Variants in QRICH1 observed in about 807,000 individuals in gnomAD.
QRICH1 encodes transcriptional regulator QRICH1.
In QRICH1, 16 loss-of-function variants were observed where a neutral mutation model predicts 87.1. That is an observed-to-expected ratio of 0.18 (90% confidence interval 0.12 to 0.28). The LOEUF is 0.28. QRICH1 is among the 10% of genes least tolerant of loss of function. The pLI is 1.00. For synonymous variants in QRICH1, 367 were observed against 368.4 expected (o/e 1.00, Z 0.05); for missense variants, 647 against 951.7 (o/e 0.68, Z 4.21).
chr3:49,077,110 A>C, intron 1 of QRICH1, 72 bp from the exon 2 acceptor site: 1 of 1,074,434 alleles, frequency 9.3e-7, no homozygotes, highest in Non-Finnish European at 1.3e-6. Context: ...TTACCCTTGC[A>C]CAAGAGTGGA....
chr3:49,087,956 ATTT>A (rs1338742200), intron 1 of QRICH1, among the ~76,000 whole-genome samples: 2 of 137,932 alleles, frequency 1.4e-5, no homozygotes, highest in Non-Finnish European at 1.6e-5. Context: ...TATTTCATTT[ATTT>A]TTTTTTTTTT....
chr3:49,033,005 G>C (rs1338464599), intron 7 of QRICH1, 115 bp downstream of exon 7: 2 of 984,198 alleles, frequency 2.0e-6, no homozygotes, highest in Non-Finnish European at 2.9e-6. Flanking sequence ...TGGGGTTAGG[G>C]CTTTCAGTAG....
chr3:49,057,981 G>T lies in QRICH1; in HGVS notation c.310-91C>A. 1 of 1,598,028 alleles carries T rather than the reference G, an allele frequency of 6.3e-7. No individual in the cohort carries two copies. Among genetic ancestry groups the T allele is most frequent in the Non-Finnish European group, 8.5e-7 (1 of 1,175,126 alleles). On this transcript the variant is annotated intron_variant, in intron 2 of 9. Transcript: ENST00000395443. This position sits in a 1 kb window ranked among gnomAD's most constrained non-coding sequence, Gnocchi z 5.4. ...GAAAGAAAAGAGATCCCAGACAGGG[G>T]ACCTGCAAAATGTGAGAAAACACTG...
At chr3:49,054,011 T>C (rs572188157) in intron 3 of QRICH1, among the ~76,000 whole-genome samples, 2 of 152,228 alleles carry the variant, frequency 1.3e-5, no homozygotes, top group South Asian at 2.1e-4. Flanking sequence ...CAAACTCATC[T>C]TTCCCTTGGC....
chr3:49,093,777 G>C, intron 1 of QRICH1, 135 bp downstream of exon 1: 2 of 344,742 alleles, frequency 5.8e-6, no homozygotes, highest in Admixed American at 4.8e-5. Context: ...GAACGTTTTC[G>C]GCTCCGGAGC....
rs771619345 is a variant in QRICH1 at position 49,029,897 on chromosome 3, T to C, written c.*555A>G. 1 of 170,758 alleles carries C rather than the reference T, an allele frequency of 5.9e-6. No individual in the cohort carries two copies. Among genetic ancestry groups the C allele is most frequent in the Non-Finnish European group, 1.3e-5 (1 of 78,478 alleles). The allele number at this position is 170,758 out of a possible 1,614,324, so 10.6% of individuals were successfully genotyped here. A position where few individuals can be genotyped will look rare whatever the true frequency, so the allele number is the denominator to read the frequency against. On this transcript the variant is annotated 3_prime_UTR_variant, in exon 10 of 10. Transcript: ENST00000395443. ...AAAGGCATGGTAAAGTTTTTACTTT[T>C]ACATCTAAAATGTCACTTGTCATAA...
rs1244167405 is a variant in QRICH1, at chr3:49,045,198, G to T, written c.1672-694C>A. On this transcript the variant is annotated intron_variant, in intron 5 of 9. Coordinates refer to ENST00000395443, the MANE Select transcript of QRICH1 (RefSeq NM_198880.3). ...ATTCTAGCTAGACTCCTTCAAATAA[G>T]TAGTTAGTGCAGGGAACAATGAGAA... is the stretch of plus-strand genomic sequence containing the variant. Among the ~76,000 whole-genome samples the T allele has an allele frequency of 2.0e-5, 3 of 152,086 alleles. No homozygotes were observed. The South Asian group carries it at 6.2e-4, about 32-fold the overall frequency.
At position 49,057,577 on chromosome 3, in the gene QRICH1, C is replaced by G. The variant is rs1263364974; in HGVS notation, c.623G>C (p.Gly208Ala). The stretch of plus-strand genomic sequence containing the variant: ...CACGGTCTGGATTTGGATCTGCTGA[C>G]CACCAGCAAGAGACTGGCCAGCCAC... ...QLVAGQSLAGGQQIQIQTVGA... is the reference protein window; with the variant it reads ...QLVAGQSLAGAQQIQIQTVGA... Residue 208 changes from glycine (G) to alanine (A), a missense_variant, in exon 3 of 10, where the codon GGT becomes GCT. By Grantham distance (60) the Gly-to-Ala change is moderately conservative (BLOSUM62 0). Transcript: ENST00000395443. This position sits in a 1 kb window ranked among gnomAD's most constrained non-coding sequence, Gnocchi z 5.4. 6.2e-7 allele frequency: 1 copy of G among 1,613,398 alleles called. No individual in the cohort carries two copies. Among genetic ancestry groups the G allele is most frequent in the Non-Finnish European group, 8.5e-7 (1 of 1,179,578 alleles).
intron 1 of QRICH1, among the ~76,000 whole-genome samples, chr3:49,088,155 G>A (rs545343779): frequency 1.1e-4 from 16 of 151,862 alleles, no homozygotes; most frequent in African/African-American, 1.7e-4. Context: ...AAGTTTCACC[G>A]TGCTAGCCAG....
chr3:49,039,781 CA>C (rs1382921107), intron 6 of QRICH1, among the ~76,000 whole-genome samples: 3 of 148,394 alleles, frequency 2.0e-5, no homozygotes, highest in Admixed American at 6.7e-5. Context: ...AGCAACAGGC[CA>C]GGCTCGGTGG....
chr3:49,049,324 A>C (rs559868242), intron 3 of QRICH1, among the ~76,000 whole-genome samples: 1 of 151,902 alleles, frequency 6.6e-6, no homozygotes, highest in East Asian at 2.0e-4. Context: ...TCATGCCTGT[A>C]ATCTCAGCTA....
intron 1 of QRICH1, among the ~76,000 whole-genome samples, chr3:49,077,884 C>A (rs1158314202): frequency 1.3e-5 from 2 of 152,136 alleles, no homozygotes; most frequent in African/African-American, 4.8e-5. Context: ...CAGGTCACTA[C>A]TAAAATTCAG....
In QRICH1 at chr3:49,029,731, C is replaced by CT; in HGVS notation, c.*720dup. On this transcript the variant is annotated 3_prime_UTR_variant, in exon 10 of 10. Transcript: ENST00000395443. ...ATGTTGAAAAGACGTGCTTGTCATT[C>CT]TTAATAAACAACTAGAGTAAGAATA... 2.9e-6 allele frequency: 1 copy of CT among 342,118 alleles called. No homozygotes were observed. Among genetic ancestry groups the CT allele is most frequent in the Non-Finnish European group, 5.6e-6 (1 of 178,842 alleles). 21.2% of individuals were successfully genotyped at this position (342,118 alleles called of 1,614,324 possible).
chr3:49,076,886 C>T lies in QRICH1; in HGVS notation c.132G>A (p.Glu44=), dbSNP rs748609484. The change falls in exon 2 of 10, where the codon GAG becomes GAA. Residue 44 remains glutamate, a synonymous_variant. Coordinates refer to ENST00000395443, the MANE Select transcript of QRICH1 (RefSeq NM_198880.3). ...LASKGPEALQ[E]FQQTATTTMV... The stretch of plus-strand genomic sequence containing the variant: ...TGGTAGTGGTGGCTGTCTGCTGGAA[C>T]TCCTGAAGGGCTTCTGGCCCCTTAG... 7.4e-6 allele frequency: 12 copies of T among 1,613,982 alleles called. No homozygotes were observed. In the South Asian group the frequency reaches 9.9e-5, roughly 13 times the overall value.
At chr3:49,084,404 C>T (rs753989362) in intron 1 of QRICH1, among the ~76,000 whole-genome samples, 1 of 151,794 alleles carries the variant, frequency 6.6e-6, no homozygotes, top group Non-Finnish European at 1.5e-5. Context: ...TACGGGCACC[C>T]GCCACCATGC....
intron 7 of QRICH1, 160 bp downstream of exon 7, chr3:49,032,960 T>G: frequency 1.1e-6 from 1 of 916,670 alleles, no homozygotes; most frequent in Non-Finnish European, 1.6e-6. Flanking sequence ...GCAAGGGTGT[T>G]TGCCTCACTG....
chr3:49,061,659 C>G (rs1307396446), intron 2 of QRICH1, among the ~76,000 whole-genome samples: 2 of 152,094 alleles, frequency 1.3e-5, no homozygotes, highest in Admixed American at 6.6e-5. Flanking sequence ...TTGAGACCAG[C>G]CTGACCGACA....
chr3:49,054,354 T>G (rs971512790), intron 3 of QRICH1, among the ~76,000 whole-genome samples: 4 of 152,198 alleles, frequency 2.6e-5, no homozygotes, highest in African/African-American at 4.8e-5. Context: ...GTTTCTCCTA[T>G]ATGCAGTCAA....
chr3:49,053,581 A>AG (rs1197571734), intron 3 of QRICH1, among the ~76,000 whole-genome samples: 24 of 151,932 alleles, frequency 1.6e-4, no homozygotes, highest in African/African-American at 3.1e-4. Flanking sequence ...AACTGGCTAT[A>AG]GGGGGGTCAC....
Sources: gnomAD v4.1 joint callset for allele counts (sites outside exome capture counted in the v4.1 genomes callset) on GRCh38, gnomAD v4.1.1 for gene constraint, Gnocchi (gnomAD v3.1) non-coding constraint, MANE v1.5 for transcripts, NCBI Gene and HGNC (gene_info 2026-07-23, HGNC 2026-07-21) for gene names.